The following SEMA6D variants were observed in gnomAD, a reference collection of about 807,000 sequenced individuals.
SEMA6D encodes the protein semaphorin-6D.
SEMA6D carries 35 observed loss-of-function variants against 106.6 expected under a neutral mutation model. The observed-to-expected ratio is 0.33, with a 90% CI of 0.25 to 0.44. The LOEUF (loss-of-function observed/expected upper bound fraction) is 0.44, where lower values mean the gene tolerates loss of function less well. SEMA6D is among the 20% of genes least tolerant of loss of function. SEMA6D has a pLI of 1.00. For missense variants in SEMA6D, 1,185 were observed against 1,345.9 expected (o/e 0.88, Z 1.87); for synonymous variants, 499 against 487.7 (o/e 1.02, Z -0.31).
intron 2 of SEMA6D, among the ~76,000 whole-genome samples, chr15:47,437,281 T>A (rs1203721731): frequency 3.3e-5 from 5 of 152,132 alleles, no homozygotes; most frequent in African/African-American, 9.7e-5. Flanking sequence ...GCTTGGAAAG[T>A]TCACAGTGAT....
At chr15:47,661,558 G>A (rs763997204) in intron 4 of SEMA6D, among the ~76,000 whole-genome samples, 1 of 152,246 alleles carries the variant, frequency 6.6e-6, no homozygotes, top group Non-Finnish European at 1.5e-5. Context: ...GAGAAAAACA[G>A]TATTAGTGAA....
intron 1 of SEMA6D, among the ~76,000 whole-genome samples, chr15:47,258,441 G>A (rs916441939): frequency 6.6e-6 from 1 of 152,134 alleles, no homozygotes; most frequent in Non-Finnish European, 1.5e-5. Context: ...GATAATACTT[G>A]TCATGTGTAC....
chr15:47,302,077 C>T (rs2036046566), intron 1 of SEMA6D, among the ~76,000 whole-genome samples: 1 of 152,132 alleles, frequency 6.6e-6, no homozygotes, highest in Non-Finnish European at 1.5e-5. Flanking sequence ...CTACTGCATA[C>T]AGTTTATCCC....
At chr15:47,454,946 G>A (rs1218058541) in intron 2 of SEMA6D, among the ~76,000 whole-genome samples, 2 of 151,786 alleles carry the variant, frequency 1.3e-5, no homozygotes, top group African/African-American at 4.8e-5. Flanking sequence ...GATCCTGTAG[G>A]CGTTGATTTT....
chr15:47,314,887 A>C, intron 1 of SEMA6D, among the ~76,000 whole-genome samples: 1 of 95,906 alleles, frequency 1.0e-5, no homozygotes, highest in South Asian at 3.8e-4. Context: ...TTTTTTTGAG[A>C]CGGAGTCTCG....
chr15:47,251,516 T>C (rs1163486294), intron 1 of SEMA6D, among the ~76,000 whole-genome samples: 1 of 152,182 alleles, frequency 6.6e-6, no homozygotes, highest in Non-Finnish European at 1.5e-5. Context: ...CCAATTGCCA[T>C]CCTAAATCAT....
chr15:47,338,348 A>G (rs2037658375), intron 1 of SEMA6D, among the ~76,000 whole-genome samples: 1 of 152,134 alleles, frequency 6.6e-6, no homozygotes, highest in Non-Finnish European at 1.5e-5. Context: ...GTGAAGTTAT[A>G]TGTTTGCTGA....
At chr15:47,464,971 A>T (rs1217449679) in intron 2 of SEMA6D, among the ~76,000 whole-genome samples, 1 of 152,136 alleles carries the variant, frequency 6.6e-6, no homozygotes, top group Non-Finnish European at 1.5e-5. Flanking sequence ...CCATATATGT[A>T]TGAATCCCAG....
chr15:47,737,761 T>C (rs2080533231), intron 1 of SEMA6D, among the ~76,000 whole-genome samples: 1 of 152,234 alleles, frequency 6.6e-6, no homozygotes, highest in Non-Finnish European at 1.5e-5. Flanking sequence ...TTTAGACTAT[T>C]TGCTAAGGGT....
intron 4 of SEMA6D, among the ~76,000 whole-genome samples, chr15:47,634,679 A>G (rs1016422831): frequency 1.8e-4 from 28 of 152,166 alleles, no homozygotes; most frequent in African/African-American, 5.8e-4. Flanking sequence ...GGCTCAACCC[A>G]CCACTAGACC....
intron 1 of SEMA6D, among the ~76,000 whole-genome samples, chr15:47,759,444 G>T (rs1401380747): frequency 6.6e-6 from 1 of 152,150 alleles, no homozygotes; most frequent in Non-Finnish European, 1.5e-5. Context: ...TTCTTGCCAA[G>T]TCAGCAGCTA....
intron 1 of SEMA6D, among the ~76,000 whole-genome samples, chr15:47,356,429 A>C (rs926505189): frequency 6.6e-6 from 1 of 152,236 alleles, no homozygotes. Context: ...ATGAGAGCAC[A>C]GTTAAAGCTG....
At chr15:47,689,771 C>G (rs781223188) in intron 4 of SEMA6D, among the ~76,000 whole-genome samples, 11 of 152,234 alleles carry the variant, frequency 7.2e-5, no homozygotes, top group Admixed American at 2.0e-4. Context: ...AAAGTTCTTA[C>G]TCCATTCCCT....
At position 47,264,016 on chromosome 15, in the gene SEMA6D, T is replaced by TA. The variant is rs752853471; in HGVS notation, c.-239+79604dup. On this transcript the variant is annotated intron_variant, in intron 1 of 19. Coordinates refer to the SEMA6D transcript ENST00000558014. ...CACAATATAGAATACTATGTGGCCA[T>TA]AAAAAAGAACAAGGTCATGTCCTTT... 5.9e-5 allele frequency among the ~76,000 whole-genome samples: 9 copies of TA among 151,284 alleles called. No individual in the cohort carries two copies. The South Asian group carries it at 1.1e-3, about 18-fold the overall frequency.
intron 3 of SEMA6D, among the ~76,000 whole-genome samples, chr15:47,515,349 T>A (rs905203860): frequency 1.3e-5 from 2 of 152,174 alleles, no homozygotes; most frequent in African/African-American, 4.8e-5. Context: ...GTATTATATA[T>A]TTTAGTTATT....
intron 2 of SEMA6D, among the ~76,000 whole-genome samples, chr15:47,440,015 G>A (rs1001584286): frequency 3.9e-5 from 6 of 152,138 alleles, no homozygotes; most frequent in East Asian, 1.9e-4. Flanking sequence ...GGTTGAGTTC[G>A]GAAGGTTACA....
At position 47,762,075 on chromosome 15, in the gene SEMA6D, A is replaced by T. The variant is rs1046772578; in HGVS notation, c.539-125A>T. The T allele has an allele frequency of 2.1e-5, 21 of 1,023,610 alleles. No homozygotes were observed. The African/African-American group carries it at 3.2e-4, about 16-fold the overall frequency. The allele number at this position is 1,023,610 out of a possible 1,614,324, so 63.4% of individuals were successfully genotyped here. ...CATGTTGATGGTGAGAATCAGGTGTAGCCCTATTTGTATAGATAATGGTAA... is the reference window on the plus strand; with the variant it reads ...CATGTTGATGGTGAGAATCAGGTGTTGCCCTATTTGTATAGATAATGGTAA... On this transcript the variant is annotated intron_variant, in intron 7 of 18. Transcript: ENST00000536845.
At chr15:47,184,488 G>A (rs1893400532) in intron 1 of SEMA6D, 1 of 152,222 alleles carries the variant, frequency 6.6e-6, no homozygotes, top group African/African-American at 2.4e-5. Context: ...GCGAGGAGCT[G>A]CTGACGGAGG....
intron 18 of SEMA6D, among the ~76,000 whole-genome samples, chr15:47,770,187 A>AT (rs2082554154): frequency 6.6e-6 from 1 of 152,192 alleles, no homozygotes; most frequent in Non-Finnish European, 1.5e-5. Context: ...ACTTCTAACT[A>AT]TTTTTTAGAT....
Sources: gnomAD v4.1 joint callset for allele counts (sites outside exome capture counted in the v4.1 genomes callset) on GRCh38, gnomAD v4.1.1 for gene constraint, MANE v1.5 for transcripts, NCBI Gene and HGNC (gene_info 2026-07-23, HGNC 2026-07-21) for gene names.